Variants in CADM1 observed in about 807,000 individuals in gnomAD.
CADM1 encodes TSLC-1.
Under a neutral mutation model 53.1 loss-of-function variants are expected in CADM1, and 15 were observed. The observed-to-expected ratio is 0.28, with a 90% CI of 0.19 to 0.44. The LOEUF is 0.44. Ranked by LOEUF, CADM1 falls within the 20% of genes least tolerant of loss-of-function variation. The pLI is 1.00. For synonymous variants in CADM1, 281 were observed against 243.0 expected (o/e 1.16, Z -1.45); for missense variants, 434 against 611.3 (o/e 0.71, Z 3.06).
In CADM1 at chr11:115,217,311, G is replaced by T. The variant is rs1404201496; in HGVS notation, c.821+581C>A. Among the ~76,000 whole-genome samples, 3 of 152,090 alleles carry T rather than the reference G, an allele frequency of 2.0e-5. No homozygotes were observed. In the East Asian group the frequency reaches 5.8e-4, roughly 29 times the overall value. On this transcript the variant is annotated intron_variant, in intron 6 of 11. Transcript: ENST00000331581. ...TACTTTCAATAAAATAAGAGTCTTAGTTGTTTCTTCTTTTTCTCTTATGAA... is the reference window on the plus strand; with the variant it reads ...TACTTTCAATAAAATAAGAGTCTTATTTGTTTCTTCTTTTTCTCTTATGAA...
chr11:115,383,708 A>T (rs1448441816), intron 1 of CADM1, among the ~76,000 whole-genome samples: 1 of 152,186 alleles, frequency 6.6e-6, no homozygotes, highest in Non-Finnish European at 1.5e-5. Flanking sequence ...AAAAGTTTAT[A>T]AAAATTGGGT....
intron 1 of CADM1, among the ~76,000 whole-genome samples, chr11:115,423,529 C>A (rs897670964): frequency 6.6e-6 from 1 of 152,122 alleles, no homozygotes; most frequent in African/African-American, 2.4e-5. Flanking sequence ...GGAGGGGCAA[C>A]AATTTTAAAA....
chr11:115,342,962 G>T (rs559874108), intron 1 of CADM1, among the ~76,000 whole-genome samples: 1 of 152,198 alleles, frequency 6.6e-6, no homozygotes, highest in East Asian at 1.9e-4. Flanking sequence ...TCACTTCTAA[G>T]AACTTACCCT....
At chr11:115,356,522 A>G (rs1225135781) in intron 1 of CADM1, among the ~76,000 whole-genome samples, 1 of 152,084 alleles carries the variant, frequency 6.6e-6, no homozygotes, top group Admixed American at 6.6e-5. Context: ...TGAATGAGTA[A>G]ATAAATAAAT....
At chr11:115,453,616 G>A (rs541773537) in intron 1 of CADM1, among the ~76,000 whole-genome samples, 227 of 151,946 alleles carry the variant, frequency 1.5e-3, no homozygotes, top group African/African-American at 5.2e-3. Context: ...CTCCTGCCTC[G>A]GCCTCCAGAG....
chr11:115,460,641 A>C (rs1948774706), intron 1 of CADM1, among the ~76,000 whole-genome samples: 1 of 152,308 alleles, frequency 6.6e-6, no homozygotes, highest in South Asian at 2.1e-4. Context: ...TGAGTAATTA[A>C]CATGGTGAAG....
At chr11:115,340,658 A>ATATATTTTT (rs60532835) in intron 1 of CADM1, among the ~76,000 whole-genome samples, 14 of 34,934 alleles carry the variant, frequency 4.0e-4, no homozygotes, top group East Asian at 1.1e-3. Context: ...ATATATATAT[A>ATATATTTTT]TTTTTTTTTT....
At chr11:115,338,853 G>A (rs770407629) in intron 1 of CADM1, among the ~76,000 whole-genome samples, 3 of 140,390 alleles carry the variant, frequency 2.1e-5, no homozygotes, top group Non-Finnish European at 4.7e-5. Flanking sequence ...AAAGAGGTCT[G>A]TTCCACCTTC....
chr11:115,368,171 A>G (rs1946219962), intron 1 of CADM1, among the ~76,000 whole-genome samples: 1 of 98,124 alleles, frequency 1.0e-5, no homozygotes, highest in South Asian at 3.5e-4. Context: ...TCCCTTCCAG[A>G]TTGTTTGGGG....
chr11:115,212,244 G>A (rs570139974), intron 7 of CADM1, among the ~76,000 whole-genome samples: 3 of 152,302 alleles, frequency 2.0e-5, no homozygotes, highest in East Asian at 3.9e-4. Context: ...TGCTTCTAGA[G>A]AGTTAAACTT....
intron 9 of CADM1, among the ~76,000 whole-genome samples, chr11:115,192,902 C>G (rs993673524): frequency 1.3e-5 from 2 of 152,200 alleles, no homozygotes; most frequent in Non-Finnish European, 2.9e-5. Flanking sequence ...CTGGAATCTA[C>G]TGCTCGGATT....
intron 10 of CADM1, among the ~76,000 whole-genome samples, chr11:115,183,949 AG>A (rs1176327716): frequency 1.3e-5 from 2 of 152,198 alleles, no homozygotes; most frequent in Non-Finnish European, 1.5e-5. Flanking sequence ...TTTTTGCAAC[AG>A]TTCTGTCACG....
intron 1 of CADM1, among the ~76,000 whole-genome samples, chr11:115,394,428 A>G (rs1591775015): frequency 6.6e-6 from 1 of 152,128 alleles, no homozygotes; most frequent in African/African-American, 2.4e-5. Flanking sequence ...AGGGAAAATC[A>G]TGTTTACAAG....
intron 1 of CADM1, among the ~76,000 whole-genome samples, chr11:115,394,924 A>G (rs1946955701): frequency 6.6e-6 from 1 of 152,184 alleles, no homozygotes; most frequent in Non-Finnish European, 1.5e-5. Context: ...AAAGGGAAAA[A>G]TTCGTGGGTC....
At chr11:115,298,234 A>C (rs1048812674) in intron 1 of CADM1, among the ~76,000 whole-genome samples, 2 of 152,196 alleles carry the variant, frequency 1.3e-5, no homozygotes, top group African/African-American at 2.4e-5. Context: ...TGAAACACAG[A>C]AACAATTTTA....
chr11:115,354,436 T>TAAGACCTGGA (rs1408089559), intron 1 of CADM1, among the ~76,000 whole-genome samples: 2 of 152,146 alleles, frequency 1.3e-5, no homozygotes, highest in African/African-American at 4.8e-5. Flanking sequence ...CTGATATTCT[T>TAAGACCTGGA]AAGACCTGGA....
At chr11:115,415,304 C>G (rs1005633944) in intron 1 of CADM1, among the ~76,000 whole-genome samples, 1 of 5,920 alleles carries the variant, frequency 1.7e-4, no homozygotes, top group African/African-American at 7.3e-4. Context: ...AAATTCATCA[C>G]CCTTTCTCTA....
At chr11:115,343,427 T>TG (rs1945498925) in intron 1 of CADM1, among the ~76,000 whole-genome samples, 1 of 152,090 alleles carries the variant, frequency 6.6e-6, no homozygotes, top group Non-Finnish European at 1.5e-5. Context: ...AGGTAAGAAG[T>TG]TTATCAAAGA....
chr11:115,178,865 C>A, intron 10 of CADM1, 90 bp from the exon 11 acceptor site: 2 of 1,424,108 alleles, frequency 1.4e-6, no homozygotes, highest in East Asian at 4.6e-5. Flanking sequence ...CAGAGGGTCA[C>A]CTTCTTTTTT....
Sources: gnomAD v4.1 joint callset for allele counts (sites outside exome capture counted in the v4.1 genomes callset) on GRCh38, gnomAD v4.1.1 for gene constraint, MANE v1.5 for transcripts, NCBI Gene and HGNC (gene_info 2026-07-23, HGNC 2026-07-21) for gene names.